Variants in RPS6KC1 observed in about 807,000 individuals in gnomAD.
RPS6KC1 encodes ribosomal protein S6 kinase C1.
In RPS6KC1, 54 loss-of-function variants were observed where a neutral mutation model predicts 103.8. The ratio of observed to expected loss-of-function variants is 0.52; its 90% CI spans 0.42 to 0.65. The LOEUF is 0.65. Ranked by LOEUF, RPS6KC1 falls within the 30% of genes least tolerant of loss-of-function variation. The pLI is 0.00. For missense variants in RPS6KC1, 1,151 were observed against 1,253.8 expected, an observed-to-expected ratio of 0.92 and a Z score of 1.24; for synonymous variants, 439 against 438.7, an observed-to-expected ratio of 1.00 and a Z score of -0.01.
At chr1:213,751,285 G>T in the RPS6KC1 span, among the ~76,000 whole-genome samples, 2 of 152,028 alleles carry the variant, frequency 1.3e-5, no homozygotes, top group Non-Finnish European at 2.9e-5. Flanking sequence ...GTGTTACGTT[G>T]GTGGTGCATT....
At chr1:213,164,647 T>C (rs2090791117) in intron 6 of RPS6KC1, among the ~76,000 whole-genome samples, 1 of 152,182 alleles carries the variant, frequency 6.6e-6, no homozygotes, top group South Asian at 2.1e-4. Context: ...ACCACAGCCA[T>C]GATTTCCCAG....
chr1:213,737,735 G>A, the RPS6KC1 span, among the ~76,000 whole-genome samples: 14 of 152,302 alleles, frequency 9.2e-5, no homozygotes, highest in South Asian at 2.9e-3. Context: ...CTCTACTACT[G>A]CAGCCAGCCC....
At chr1:213,364,810 TAGTC>T in the RPS6KC1 span, among the ~76,000 whole-genome samples, 1 of 151,672 alleles carries the variant, frequency 6.6e-6, no homozygotes, top group East Asian at 1.9e-4. Flanking sequence ...TCACAAAAAT[TAGTC>T]AGGCATAGTG....
the RPS6KC1 span, among the ~76,000 whole-genome samples, chr1:213,335,110 G>T: frequency 1.3e-5 from 2 of 152,298 alleles, no homozygotes; most frequent in South Asian, 4.1e-4. Flanking sequence ...GGGAGCTAAG[G>T]CTTAGAGAAG....
chr1:213,776,555 T>A, the RPS6KC1 span, among the ~76,000 whole-genome samples: 1 of 152,238 alleles, frequency 6.6e-6, no homozygotes, highest in Non-Finnish European at 1.5e-5. Flanking sequence ...ACAAATGTGC[T>A]ATTATCCACG....
At chr1:213,051,727 C>T (rs960689877) in intron 1 of RPS6KC1, among the ~76,000 whole-genome samples, 3 of 152,020 alleles carry the variant, frequency 2.0e-5, no homozygotes, top group Non-Finnish European at 4.4e-5. Context: ...GTGGTAGAGT[C>T]CTCTTTCTGG....
the RPS6KC1 span, among the ~76,000 whole-genome samples, chr1:213,698,788 C>T: frequency 6.6e-6 from 1 of 151,950 alleles, no homozygotes; most frequent in African/African-American, 2.4e-5. Context: ...TTTTGTATTT[C>T]TTATGTATGT....
chr1:213,168,836 A>T (rs1197951580), intron 7 of RPS6KC1, among the ~76,000 whole-genome samples: 1 of 151,888 alleles, frequency 6.6e-6, no homozygotes, highest in Non-Finnish European at 1.5e-5. Context: ...GTTAGCCAGG[A>T]TGGTCTCGAT....
the RPS6KC1 span, among the ~76,000 whole-genome samples, chr1:213,656,300 G>A: frequency 6.6e-6 from 1 of 152,228 alleles, no homozygotes; most frequent in Non-Finnish European, 1.5e-5. Context: ...CCTAGCACAA[G>A]GCTCGGGAGG....
chr1:213,390,140 T>TA, the RPS6KC1 span, among the ~76,000 whole-genome samples: 2 of 151,930 alleles, frequency 1.3e-5, no homozygotes, highest in Non-Finnish European at 2.9e-5. Flanking sequence ...AAATTAATAA[T>TA]AAAAAAAATG....
At chr1:213,268,578 G>A (rs532224458) in intron 14 of RPS6KC1, among the ~76,000 whole-genome samples, 3 of 147,282 alleles carry the variant, frequency 2.0e-5, no homozygotes, top group African/African-American at 7.4e-5. Context: ...TTTATATATT[G>A]TATATATAAA....
At chr1:213,133,965 A>G (rs2085961302) in intron 6 of RPS6KC1, among the ~76,000 whole-genome samples, 1 of 151,818 alleles carries the variant, frequency 6.6e-6, no homozygotes, top group Admixed American at 6.6e-5. Flanking sequence ...AGTATTTGTC[A>G]TTTTTCCTTC....
chr1:213,278,972 G>A (rs1042004904), downstream of RPS6KC1, among the ~76,000 whole-genome samples: 4 of 152,192 alleles, frequency 2.6e-5, no homozygotes, highest in East Asian at 5.8e-4. Flanking sequence ...ATGGAGATGG[G>A]AAAATGGAAA....
At chr1:213,576,487 A>AATT in the RPS6KC1 span, among the ~76,000 whole-genome samples, 166 of 150,896 alleles carry the variant, frequency 1.1e-3, 1 homozygote, top group African/African-American at 3.8e-3. Context: ...ACATTTTGGT[A>AATT]ATTATTATTA....
the RPS6KC1 span, among the ~76,000 whole-genome samples, chr1:213,603,732 TG>T: frequency 6.6e-6 from 1 of 151,932 alleles, no homozygotes. Context: ...TCATGGTGCA[TG>T]CCTGTAATCT....
At chr1:213,783,432 TG>T in the RPS6KC1 span, among the ~76,000 whole-genome samples, 5 of 152,172 alleles carry the variant, frequency 3.3e-5, no homozygotes, top group African/African-American at 1.2e-4. Flanking sequence ...TGGTGACATC[TG>T]CAGAAAGGCC....
the RPS6KC1 span, among the ~76,000 whole-genome samples, chr1:213,661,105 C>T: frequency 6.6e-6 from 1 of 152,200 alleles, no homozygotes; most frequent in Non-Finnish European, 1.5e-5. Context: ...TTAATTTTAT[C>T]GCAGCCTTCA....
At chr1:213,486,122 A>G in the RPS6KC1 span, among the ~76,000 whole-genome samples, 1 of 152,340 alleles carries the variant, frequency 6.6e-6, no homozygotes, top group East Asian at 1.9e-4. Context: ...AGTGGTTTCA[A>G]GTCCTTTTGG....
chr1:213,649,724 G>A, the RPS6KC1 span, among the ~76,000 whole-genome samples: 1 of 152,120 alleles, frequency 6.6e-6, no homozygotes, highest in African/African-American at 2.4e-5. Flanking sequence ...AGCTCCTCGA[G>A]AGCTAGGACT....
Sources: gnomAD v4.1 joint callset for allele counts (sites outside exome capture counted in the v4.1 genomes callset) on GRCh38, gnomAD v4.1.1 for gene constraint, MANE v1.5 for transcripts, NCBI Gene and HGNC (gene_info 2026-07-23, HGNC 2026-07-21) for gene names.